PTPRG: variants seen among roughly 807,000 people sequenced by gnomAD.
The protein encoded by PTPRG is protein tyrosine phosphatase receptor type G.
Under a neutral mutation model 165.3 loss-of-function variants are expected in PTPRG, and 102 were observed. That is an observed-to-expected ratio of 0.62 (90% CI 0.53 to 0.73). The LOEUF is 0.73. PTPRG is among the 30% of genes least tolerant of loss of function. The pLI is 0.00. For synonymous variants in PTPRG, 675 were observed against 669.5 expected (o/e 1.01, Z -0.13); for missense variants, 1,866 against 1,861.4 (o/e 1.00, Z -0.05).
At chr3:61,786,632 AGGAGTATTATTTTT>A (rs2107108029) in intron 2 of PTPRG, among the ~76,000 whole-genome samples, 1 of 152,242 alleles carries the variant, frequency 6.6e-6, no homozygotes, top group East Asian at 1.9e-4. Flanking sequence ...AGAAACAGGC[AGGAGTATTATTTTT>A]GGAGAAAAGA....
At chr3:61,952,741 C>G (rs1160598388) in intron 2 of PTPRG, among the ~76,000 whole-genome samples, 1 of 152,018 alleles carries the variant, frequency 6.6e-6, no homozygotes, top group East Asian at 1.9e-4. Flanking sequence ...GCCCTAGCCT[C>G]AAACCTGGGA....
chr3:61,912,609 G>C (rs897207868), intron 2 of PTPRG, among the ~76,000 whole-genome samples: 4 of 152,178 alleles, frequency 2.6e-5, no homozygotes, highest in African/African-American at 4.8e-5. Flanking sequence ...TTGTATAGCT[G>C]TTTTTTGATC....
intron 1 of PTPRG, among the ~76,000 whole-genome samples, chr3:61,591,315 C>T (rs531949228): frequency 6.6e-6 from 1 of 152,320 alleles, no homozygotes; most frequent in East Asian, 1.9e-4. Context: ...ATTCAGTCTC[C>T]ATTAGCTGGT....
At chr3:62,149,863 C>A (rs912009616) in intron 6 of PTPRG, among the ~76,000 whole-genome samples, 1 of 152,052 alleles carries the variant, frequency 6.6e-6, no homozygotes, top group Non-Finnish European at 1.5e-5. Context: ...CTGATTTTTT[C>A]CCCCCCTCAA....
chr3:61,629,452 C>T (rs61418950), intron 1 of PTPRG, among the ~76,000 whole-genome samples: 19,132 of 152,194 alleles, frequency 0.13, 1,364 homozygotes, highest in African/African-American at 0.19. Context: ...CTGTACCCGG[C>T]CCCTGAGTTA....
intron 5 of PTPRG, among the ~76,000 whole-genome samples, chr3:62,103,167 T>C (rs1702351007): frequency 6.7e-6 from 1 of 150,328 alleles, no homozygotes; most frequent in African/African-American, 2.5e-5. Flanking sequence ...TTATTTTGTG[T>C]TTCCAGCTAT....
chr3:62,010,067 A>G (rs2041384096), intron 4 of PTPRG, among the ~76,000 whole-genome samples: 1 of 151,854 alleles, frequency 6.6e-6, no homozygotes, highest in African/African-American at 2.4e-5. Context: ...ACAACCACAC[A>G]CCACCGTGCC....
At chr3:62,276,152 A>C (rs1702227716) in intron 24 of PTPRG, among the ~76,000 whole-genome samples, 186 bp downstream of exon 24, 1 of 152,066 alleles carries the variant, frequency 6.6e-6, no homozygotes, top group South Asian at 2.1e-4. Flanking sequence ...CCAGCCTCTT[A>C]CCTGGTACTA....
chr3:62,104,721 C>T (rs1167552084), intron 5 of PTPRG, among the ~76,000 whole-genome samples: 1 of 152,194 alleles, frequency 6.6e-6, no homozygotes, highest in African/African-American at 2.4e-5. Flanking sequence ...TTCACTTACA[C>T]ATTTCACTGG....
chr3:61,866,039 G>T (rs1464377926), intron 2 of PTPRG, among the ~76,000 whole-genome samples: 2 of 152,174 alleles, frequency 1.3e-5, no homozygotes, highest in South Asian at 2.1e-4. Flanking sequence ...TGAAGGGCCA[G>T]CGTGAGGATA....
intron 13 of PTPRG, 146 bp from the exon 14 acceptor site, chr3:62,231,079 C>A (rs572272748): frequency 6.0e-5 from 31 of 517,616 alleles, no homozygotes; most frequent in African/African-American, 5.7e-4. Flanking sequence ...GCATAAGCAT[C>A]CTCTTTTGAA....
At chr3:62,132,537 T>C (rs1703554764) in intron 5 of PTPRG, 65 bp from the exon 6 acceptor site, 14 of 1,301,992 alleles carry the variant, frequency 1.1e-5, no homozygotes, top group Non-Finnish European at 1.6e-5. Context: ...TTTAGAAGAT[T>C]AAACTGAGAC....
intron 23 of PTPRG, among the ~76,000 whole-genome samples, chr3:62,275,127 A>G (rs1045899787): frequency 1.3e-5 from 2 of 152,194 alleles, no homozygotes; most frequent in African/African-American, 2.4e-5. Context: ...CCCCCAAAAA[A>G]TAGGATTGAC....
intron 1 of PTPRG, among the ~76,000 whole-genome samples, chr3:61,679,991 C>T (rs759070780): frequency 7.9e-5 from 12 of 152,120 alleles, no homozygotes; most frequent in Non-Finnish European, 1.0e-4. Context: ...TTCTCAATTT[C>T]GATTGTCCCC....
At chr3:62,130,464 A>G (rs1451777205) in intron 5 of PTPRG, among the ~76,000 whole-genome samples, 2 of 152,228 alleles carry the variant, frequency 1.3e-5, no homozygotes, top group Non-Finnish European at 2.9e-5. Context: ...GTAAAGGCAC[A>G]TGTAACAGGG....
intron 14 of PTPRG, among the ~76,000 whole-genome samples, chr3:62,235,918 C>T (rs1292545252): frequency 6.6e-6 from 1 of 152,180 alleles, no homozygotes; most frequent in Non-Finnish European, 1.5e-5. Context: ...TGCCCTGGGA[C>T]TTCCACAGCC....
chr3:62,266,272 G>A (rs1251785887), intron 17 of PTPRG, among the ~76,000 whole-genome samples: 1 of 152,028 alleles, frequency 6.6e-6, no homozygotes, highest in Non-Finnish European at 1.5e-5. Context: ...GCAAAGAATA[G>A]CATAGAAACA....
intron 15 of PTPRG, among the ~76,000 whole-genome samples, chr3:62,253,104 C>T (rs532647210): frequency 1.8e-3 from 268 of 152,214 alleles, no homozygotes; most frequent in African/African-American, 6.2e-3. Flanking sequence ...CAGAAAAAAA[C>T]AATAAGCAGT....
At chr3:62,291,116 TA>T (rs1702876867) in intron 28 of PTPRG, among the ~76,000 whole-genome samples, 1 of 152,116 alleles carries the variant, frequency 6.6e-6, no homozygotes, top group Non-Finnish European at 1.5e-5. Flanking sequence ...TCAGTATTCA[TA>T]AAAAGACATT....
Sources: allele counts gnomAD v4.1 joint callset (sites outside exome capture counted in the v4.1 genomes callset), GRCh38; gene constraint gnomAD v4.1.1; transcripts MANE v1.5; gene names NCBI Gene and HGNC (gene_info 2026-07-23, HGNC 2026-07-21).